The following CRTC1 variants were observed in gnomAD, a reference collection of about 807,000 sequenced individuals.
CRTC1 encodes the protein CREB regulated transcription coactivator 1.
A neutral mutation model predicts 66.1 loss-of-function variants in CRTC1; 18 were observed. The observed-to-expected ratio is 0.27, with a 90% confidence interval of 0.19 to 0.40. The LOEUF (loss-of-function observed/expected upper bound fraction) is 0.40. Ranked by LOEUF, CRTC1 falls within the 10% of genes least tolerant of loss-of-function variation. CRTC1 has a pLI of 1.00. For synonymous variants in CRTC1, 416 were observed against 398.8 expected (o/e 1.04, Z -0.51); for missense variants, 669 against 887.9 (o/e 0.75, Z 3.13).
In CRTC1 at chr19:18,777,977, A is replaced by C. The variant is rs553809514; in HGVS notation, c.*595A>C. The C allele has an allele frequency of 7.0e-5, 17 of 241,528 alleles. No individual in the cohort carries two copies. The highest frequency in any genetic ancestry group is 1.1e-4 in the Admixed American group (2 of 17,818). The allele number at this position is 241,528 out of a possible 1,614,324, so 15.0% of individuals were successfully genotyped here. A position where few individuals can be genotyped will look rare whatever the true frequency, so the allele number is the denominator to read the frequency against. ...CTGTCTTTTATATTTCTGAGCACAC[A>C]CAGAGCCCTGGCGTCCACCGGGGCA... On this transcript the variant is annotated 3_prime_UTR_variant, in exon 14 of 14. Coordinates refer to ENST00000321949, the MANE Select transcript of CRTC1 (RefSeq NM_015321.3). This position sits in a 1 kb window ranked among gnomAD's most constrained non-coding sequence, Gnocchi z 5.5.
At position 18,708,709 on chromosome 19, in the gene CRTC1, C is replaced by T. The variant is rs375023009; in HGVS notation, c.126+24881C>T. 2.6e-5 allele frequency among the ~76,000 whole-genome samples: 4 copies of T among 152,316 alleles called. No homozygotes were observed. The South Asian group carries it at 8.3e-4, about 32-fold the overall frequency. On this transcript the variant is annotated intron_variant, in intron 1 of 13. Coordinates refer to ENST00000321949, the MANE Select transcript of CRTC1 (RefSeq NM_015321.3). The stretch of plus-strand genomic sequence containing the variant: ...TGAGAGGCAGACGGAGCGTGGGGAC[C>T]GAGGTCAGGGCTCCTGTGGGGCCGG...
chr19:18,760,073 G>T lies in CRTC1; in HGVS notation c.731G>T (p.Gly244Val). ...ALIPATHNTG[G>V]SLPDLTNIHF... ...ATCCCCGCCACCCACAACACAGGGGGGTCCCTGCCCGACCTGACCAACATC... is the reference window on the plus strand; with the variant it reads ...ATCCCCGCCACCCACAACACAGGGGTGTCCCTGCCCGACCTGACCAACATC... Residue 244 changes from glycine to valine, a missense_variant, in exon 8 of 14, where the codon GGG becomes GTG. Physicochemically the swap from Gly to Val is moderately radical, Grantham distance 109 (BLOSUM62 -3). Around this residue, in one of 8 missense-constraint regions of CRTC1, gnomAD observed 214 missense variants for 323.4 expected, o/e 0.66. Transcript: ENST00000321949. The surrounding 1 kb of genome is among the most constrained non-coding windows in gnomAD (Gnocchi z 6.2). The T allele has an allele frequency of 6.2e-7, 1 of 1,613,084 alleles. No homozygotes were observed. Among genetic ancestry groups the T allele is most frequent in the Non-Finnish European group, 8.5e-7 (1 of 1,179,616 alleles).
At position 18,775,707 on chromosome 19, in the gene CRTC1, C is replaced by G. The variant is rs143753916; in HGVS notation, c.1579C>G (p.Leu527Val). ...CAGCCTGTACAGCCCGGGCTCCACA[C>G]TCAACTACTCGCAGGCGGCCATGAT... Reference protein sequence around the residue: ...SSSLYSPGSTLNYSQAAMMGL... With the variant: ...SSSLYSPGSTVNYSQAAMMGL... Residue 527 changes from leucine (L) to valine (V), a missense_variant, in exon 13 of 14, where the codon CTC becomes GTC. Transcript: ENST00000321949. 5 of 1,612,638 alleles carry G rather than the reference C, an allele frequency of 3.1e-6. No homozygotes were observed. Among genetic ancestry groups the G allele is most frequent in the Non-Finnish European group, 4.2e-6 (5 of 1,179,844 alleles).
At chr19:18,758,600 G>A (rs1454102949) in intron 6 of CRTC1, among the ~76,000 whole-genome samples, 3 of 152,266 alleles carry the variant, frequency 2.0e-5, no homozygotes, top group South Asian at 2.1e-4. Context: ...ACATAGCAGA[G>A]GGACGTCTCG....
chr19:18,699,422 G>T (rs529431793), intron 1 of CRTC1, among the ~76,000 whole-genome samples: 1 of 152,348 alleles, frequency 6.6e-6, no homozygotes, highest in South Asian at 2.1e-4. Context: ...AATCCTCGGG[G>T]TAGGATGGCC....
chr19:18,753,584 A>G lies in CRTC1; in HGVS notation c.623A>G (p.Lys208Arg), dbSNP rs567859889. 3 of 1,609,148 alleles carry G rather than the reference A, an allele frequency of 1.9e-6. No homozygotes were observed. Among genetic ancestry groups the G allele is most frequent in the African/African-American group, 1.3e-5 (1 of 74,754 alleles). Residue 208 changes from lysine to arginine, a missense_variant and splice_region_variant, in exon 6 of 14, where the codon AAG becomes AGG. This residue lies in a region of CRTC1 where 214 missense variants were observed against 323.4 expected (regional missense o/e 0.66). Coordinates refer to ENST00000321949, the MANE Select transcript of CRTC1 (RefSeq NM_015321.3). Reference sequence around the variant, plus strand: ...TCCAAGCAAGCATGGGACACCAAGAAGGTAAGAGCCTATGAGCTTTCAAAA... The same window carrying G: ...TCCAAGCAAGCATGGGACACCAAGAGGGTAAGAGCCTATGAGCTTTCAAAA... ...NLSKQAWDTK[K>R]TGSRPKSCEV...
chr19:18,691,512 C>A (rs2052835068), intron 1 of CRTC1, among the ~76,000 whole-genome samples: 2 of 122,256 alleles, frequency 1.6e-5, no homozygotes, highest in South Asian at 5.1e-4. Flanking sequence ...AAGAGTGAGA[C>A]CCTTTTCTCC....
rs2055064911 is a variant in CRTC1, at chr19:18,779,634, A to G, written c.*2252A>G. On this transcript the variant is annotated 3_prime_UTR_variant, in exon 14 of 14. Coordinates refer to ENST00000321949, the MANE Select transcript of CRTC1 (RefSeq NM_015321.3). ...AGGAAACCTCATACCCCATCCGTCC[A>G]ACCTCCGGCGGGCGCCACTGCTTGT... is the stretch of plus-strand genomic sequence containing the variant. 4.5e-6 allele frequency: 1 copy of G among 223,204 alleles called. No individual in the cohort carries two copies. The highest frequency in any genetic ancestry group is 2.2e-5 in the African/African-American group (1 of 44,718). The allele number at this position is 223,204 out of a possible 1,614,324, so 13.8% of individuals were successfully genotyped here. A position where few individuals can be genotyped will look rare whatever the true frequency, so the allele number is the denominator to read the frequency against.
intron 1 of CRTC1, among the ~76,000 whole-genome samples, chr19:18,738,342 A>G (rs1230840243): frequency 6.6e-6 from 1 of 152,176 alleles, no homozygotes; most frequent in Non-Finnish European, 1.5e-5. Context: ...ATAAATAAAT[A>G]GAAGTAAAAA....
intron 6 of CRTC1, among the ~76,000 whole-genome samples, chr19:18,759,198 G>A (rs1302878967): frequency 6.6e-6 from 1 of 152,164 alleles, no homozygotes; most frequent in Non-Finnish European, 1.5e-5. Flanking sequence ...GTGAGATCCT[G>A]TCTCTATGAA....
At chr19:18,692,577 G>C (rs1028123200) in intron 1 of CRTC1, among the ~76,000 whole-genome samples, 2 of 149,974 alleles carry the variant, frequency 1.3e-5, no homozygotes, top group African/African-American at 4.9e-5. Flanking sequence ...CTCCAGCCTG[G>C]GCAACAAGAG....
intron 10 of CRTC1, among the ~76,000 whole-genome samples, chr19:18,769,244 G>T (rs760816939): frequency 6.6e-6 from 1 of 152,252 alleles, no homozygotes. Flanking sequence ...CTGGGGCCCA[G>T]GGCTGGGGGC....
chr19:18,758,177 C>T (rs113480875), intron 6 of CRTC1, among the ~76,000 whole-genome samples: 9,299 of 148,084 alleles, frequency 0.063, 354 homozygotes, highest in Non-Finnish European at 0.093. Context: ...CTGGCTAACA[C>T]GGTGAAACCC....
At chr19:18,748,435 T>C (rs12981986) in intron 4 of CRTC1, among the ~76,000 whole-genome samples, 7 of 143,592 alleles carry the variant, frequency 4.9e-5, no homozygotes, top group Non-Finnish European at 9.1e-5. Context: ...CCCAGGCTGG[T>C]CTCAAACTCC....
At position 18,768,922 on chromosome 19, in the gene CRTC1, C is replaced by T. The variant is rs2054800861; in HGVS notation, c.1320+129C>T. On this transcript the variant is annotated intron_variant, in intron 10 of 13. Coordinates refer to ENST00000321949, the MANE Select transcript of CRTC1 (RefSeq NM_015321.3). This position sits in a 1 kb window ranked among gnomAD's most constrained non-coding sequence, Gnocchi z 5.6. ...AGAACCCCAGCGAACGCTGCCTGGG[C>T]CCACCTCTCCACGGGGCTACCCCTT... The T allele has an allele frequency of 8.4e-7, 1 of 1,193,318 alleles. No individual in the cohort carries two copies. Among genetic ancestry groups the T allele is most frequent in the East Asian group, 2.8e-5 (1 of 36,124 alleles). The allele number at this position is 1,193,318 out of a possible 1,614,324, so 73.9% of individuals were successfully genotyped here.
chr19:18,746,932 A>G (rs2054252736), intron 3 of CRTC1, 121 bp from the exon 4 acceptor site: 1 of 818,972 alleles, frequency 1.2e-6, no homozygotes, highest in African/African-American at 1.7e-5. Context: ...TACTGGTCCC[A>G]GCTGTTTGCA....
chr19:18,780,002 T>G lies in CRTC1; in HGVS notation c.*2620T>G. On this transcript the variant is annotated 3_prime_UTR_variant, in exon 14 of 14. Coordinates refer to ENST00000321949, the MANE Select transcript of CRTC1 (RefSeq NM_015321.3). ...TTTGTGTGTGCGTACGTGTGGTTTT[T>G]TTAAATATCACTACTACATATTCTT... 4.4e-6 allele frequency: 1 copy of G among 229,290 alleles called. No individual in the cohort carries two copies. Among genetic ancestry groups the G allele is most frequent in the Non-Finnish European group, 8.6e-6 (1 of 115,638 alleles). The allele number at this position is 229,290 out of a possible 1,614,324, so 14.2% of individuals were successfully genotyped here.
chr19:18,694,175 C>T (rs1360247672), intron 1 of CRTC1, among the ~76,000 whole-genome samples: 2 of 150,340 alleles, frequency 1.3e-5, no homozygotes, highest in East Asian at 3.9e-4. Flanking sequence ...GTGGCTCATG[C>T]CTGTGGTCCC....
chr19:18,713,780 C>T (rs1020816052), intron 1 of CRTC1, among the ~76,000 whole-genome samples: 2 of 152,252 alleles, frequency 1.3e-5, no homozygotes, highest in African/African-American at 4.8e-5. Context: ...AGGCACAGAG[C>T]CCCTTTCTGT....
Sources: allele counts gnomAD v4.1 joint callset (sites outside exome capture counted in the v4.1 genomes callset), GRCh38; gene constraint gnomAD v4.1.1; regional missense constraint gnomAD v4.1.1; non-coding constraint Gnocchi (gnomAD v3.1); transcripts MANE v1.5; gene names NCBI Gene and HGNC (gene_info 2026-07-23, HGNC 2026-07-21).